The following KCNU1 variants were observed in gnomAD, a reference collection of about 807,000 sequenced individuals.
KCNU1 encodes potassium channel subfamily U member 1.
KCNU1 carries 93 observed loss-of-function variants against 126.8 expected under a neutral mutation model. That is an observed-to-expected ratio of 0.73 (90% confidence interval 0.62 to 0.87). The LOEUF is 0.87. Ranked by LOEUF, KCNU1 falls within the 40% of genes least tolerant of loss-of-function variation. KCNU1 has a pLI of 0.00. For missense variants in KCNU1, 1,330 were observed against 1,367.1 expected (o/e 0.97, Z 0.43); for synonymous variants, 523 against 494.2 (o/e 1.06, Z -0.77).
chr8:36,876,723 C>G (rs1024894684), intron 19 of KCNU1, among the ~76,000 whole-genome samples: 2 of 152,204 alleles, frequency 1.3e-5, no homozygotes, highest in South Asian at 2.1e-4. Context: ...GGTATTTTTT[C>G]AAGCCAAGAA....
intron 2 of KCNU1, among the ~76,000 whole-genome samples, chr8:36,797,334 T>C (rs1250371447): frequency 1.2e-4 from 18 of 152,178 alleles, no homozygotes; most frequent in Non-Finnish European, 2.9e-5. Flanking sequence ...ATTTATTTTT[T>C]GGCATCCTCT....
In KCNU1 at chr8:36,806,386, T is replaced by G; in HGVS notation, c.580+6T>G. On this transcript the variant is annotated splice_donor_region_variant and intron_variant, in intron 5 of 26. Transcript: ENST00000399881. ...TTTGAAGAGCAATTGGCTAGGTAAG[T>G]GTGCTCTGGGAACGGGTAGCAATAT... The G allele has an allele frequency of 6.8e-7, 1 of 1,470,512 alleles. No individual in the cohort carries two copies. The highest frequency in any genetic ancestry group is 9.5e-7 in the Non-Finnish European group (1 of 1,057,764). 91.1% of individuals were successfully genotyped at this position (1,470,512 alleles called of 1,614,324 possible). A position where few individuals can be genotyped will look rare whatever the true frequency, so the allele number is the denominator to read the frequency against.
chr8:36,821,226 C>G (rs186967057), intron 10 of KCNU1, among the ~76,000 whole-genome samples: 9 of 152,172 alleles, frequency 5.9e-5, no homozygotes, highest in Admixed American at 4.6e-4. Context: ...AAAAGAATTA[C>G]GGACAGTAGA....
chr8:36,874,857 G>T lies in KCNU1; in HGVS notation c.2009+10336G>T. On this transcript the variant is annotated intron_variant, in intron 19 of 26. Transcript: ENST00000399881. ...AGGTTAAGAAAAGGCACCTTTAACAGATTTTTCTCCTTGAACGTCCCTTTC... is the reference window on the plus strand; with the variant it reads ...AGGTTAAGAAAAGGCACCTTTAACATATTTTTCTCCTTGAACGTCCCTTTC... 1.3e-5 allele frequency among the ~76,000 whole-genome samples: 2 copies of T among 151,872 alleles called. 1 individual carries two copies. The highest frequency in any genetic ancestry group is 3.9e-4 in the East Asian group (2 of 5,162).
At chr8:36,903,558 T>C (rs906677941) in intron 19 of KCNU1, among the ~76,000 whole-genome samples, 5 of 152,194 alleles carry the variant, frequency 3.3e-5, no homozygotes, top group Non-Finnish European at 7.4e-5. Flanking sequence ...AAGTAAATAG[T>C]AAAAGCTTTT....
chr8:36,820,024 G>T (rs1178204944), intron 10 of KCNU1, among the ~76,000 whole-genome samples: 4 of 152,106 alleles, frequency 2.6e-5, no homozygotes, highest in African/African-American at 9.7e-5. Context: ...ATACTACCTT[G>T]CTGGAGAGAA....
intron 2 of KCNU1, 112 bp from the exon 3 acceptor site, chr8:36,803,915 A>C: frequency 1.4e-6 from 1 of 732,452 alleles, no homozygotes; most frequent in Non-Finnish European, 2.4e-6. Context: ...TGAATATGTG[A>C]ATAAATGGCT....
At position 36,910,981 on chromosome 8, in the gene KCNU1, T is replaced by A; in HGVS notation, c.2383T>A (p.Ser795Thr). The A allele has an allele frequency of 6.2e-7, 1 of 1,613,516 alleles. No homozygotes were observed. The highest frequency in any genetic ancestry group is 8.5e-7 in the Non-Finnish European group (1 of 1,179,734). The stretch of plus-strand genomic sequence containing the variant: ...CCATGCGGCCAACATAGAGCAATGC[T>A]CCATGTGTGCTGTCTTGTCCCCCCC... ...DLHAANIEQC[S>T]MCAVLSPPPQ... Residue 795 changes from serine to threonine, a missense_variant, in exon 22 of 27, where the codon TCC (serine) becomes ACC (threonine). Physicochemically the swap from Ser to Thr is moderately conservative, Grantham distance 58. Coordinates refer to ENST00000399881, the MANE Select transcript of KCNU1 (RefSeq NM_001031836.3).
Position 36,936,063 on chromosome 8 carries a change from T to G in KCNU1, c.*143T>G. The G allele has an allele frequency of 3.1e-6, 2 of 643,820 alleles. No homozygotes were observed. The highest frequency in any genetic ancestry group is 5.6e-5 in the East Asian group (2 of 35,704). The allele number at this position is 643,820 out of a possible 1,614,324, so 39.9% of individuals were successfully genotyped here. ...GTGGTTCATGAAGGCCACACTGTTT[T>G]GGGTGAGACAAAAGTCTAATGCCAC... On this transcript the variant is annotated 3_prime_UTR_variant, in exon 27 of 27. Coordinates refer to ENST00000399881, the MANE Select transcript of KCNU1 (RefSeq NM_001031836.3).
intron 15 of KCNU1, 70 bp downstream of exon 15, chr8:36,840,645 C>A: frequency 1.2e-6 from 1 of 864,202 alleles, no homozygotes; most frequent in Non-Finnish European, 1.9e-6. Flanking sequence ...CACTGAGGGC[C>A]CACTATAGGC....
At chr8:36,789,157 A>C (rs1245918916) in intron 2 of KCNU1, among the ~76,000 whole-genome samples, 1 of 152,082 alleles carries the variant, frequency 6.6e-6, no homozygotes, top group Non-Finnish European at 1.5e-5. Context: ...GGAGATCAAG[A>C]CCAGCTTGAG....
At chr8:36,835,390 G>C (rs1804711559) in intron 12 of KCNU1, among the ~76,000 whole-genome samples, 1 of 148,740 alleles carries the variant, frequency 6.7e-6, no homozygotes, top group African/African-American at 2.5e-5. Context: ...TGTTGCCTGT[G>C]CTGGAGGGCA....
intron 26 of KCNU1, among the ~76,000 whole-genome samples, chr8:36,934,362 G>A (rs1174735996): frequency 6.6e-6 from 1 of 151,912 alleles, no homozygotes; most frequent in Non-Finnish European, 1.5e-5. Context: ...GTCTACAGAC[G>A]ACTCTGATGG....
At chr8:36,932,232 G>A (rs1808724070) in intron 25 of KCNU1, among the ~76,000 whole-genome samples, 1 of 152,122 alleles carries the variant, frequency 6.6e-6, no homozygotes, top group Non-Finnish European at 1.5e-5. Flanking sequence ...CTCACCTACA[G>A]GTGGACTTGT....
rs142790299 is a variant in KCNU1, at chr8:36,817,632, C to T, written c.996-18C>T. On this transcript the variant is annotated intron_variant, in intron 9 of 26. Coordinates refer to ENST00000399881, the MANE Select transcript of KCNU1 (RefSeq NM_001031836.3). ...TATGTGCCTCGGATGATCCACCTCA[C>T]CTGTTTTTGCTGCCTAGGTTTATTG... 5,433 of 1,391,264 alleles carry T rather than the reference C, an allele frequency of 3.9e-3. 118 individuals carry two copies. In the African/African-American group the frequency reaches 0.05, roughly 13 times the overall value. 86.2% of individuals were successfully genotyped at this position (1,391,264 alleles called of 1,614,324 possible). A position where few individuals can be genotyped will look rare whatever the true frequency, so the allele number is the denominator to read the frequency against.
At chr8:36,863,366 T>A (rs751500599) in intron 18 of KCNU1, among the ~76,000 whole-genome samples, 4 of 152,126 alleles carry the variant, frequency 2.6e-5, no homozygotes, top group Non-Finnish European at 5.9e-5. Context: ...GAAAAGGTCA[T>A]GTCTCCTTTC....
intron 24 of KCNU1, among the ~76,000 whole-genome samples, chr8:36,926,111 A>G (rs938984366): frequency 6.6e-6 from 1 of 152,216 alleles, no homozygotes; most frequent in Non-Finnish European, 1.5e-5. Context: ...ATTTACCCAG[A>G]GCCAAGGAAT....
At chr8:36,808,084 A>G (rs971438502) in intron 6 of KCNU1, among the ~76,000 whole-genome samples, 1 of 152,130 alleles carries the variant, frequency 6.6e-6, no homozygotes, top group Non-Finnish European at 1.5e-5. Context: ...TTTCACTGCT[A>G]CGTGTTTATG....
intron 16 of KCNU1, among the ~76,000 whole-genome samples, chr8:36,844,331 G>T (rs921807009): frequency 6.6e-6 from 1 of 151,390 alleles, no homozygotes; most frequent in African/African-American, 2.4e-5. Flanking sequence ...AGTGAGCCGA[G>T]ATCATGCCAT....
Sources: gnomAD v4.1 joint callset for allele counts (sites outside exome capture counted in the v4.1 genomes callset) on GRCh38, gnomAD v4.1.1 for gene constraint, MANE v1.5 for transcripts, NCBI Gene and HGNC (gene_info 2026-07-23, HGNC 2026-07-21) for gene names.